POLL: variants seen among roughly 807,000 people sequenced by gnomAD.
POLL encodes the protein DNA polymerase beta-2.
Under a neutral mutation model 58.1 loss-of-function variants are expected in POLL, and 44 were observed. That is an observed-to-expected ratio of 0.76 (90% CI 0.60 to 0.97). The LOEUF (loss-of-function observed/expected upper bound fraction) is 0.97. POLL is among the 50% of genes least tolerant of loss of function. The pLI, the probability that POLL is intolerant of heterozygous loss-of-function variation, is 0.00. For missense variants in POLL, 632 were observed against 736.8 expected (o/e 0.86, Z 1.65); for synonymous variants, 290 against 283.2 (o/e 1.02, Z -0.24).
chr10:101,581,537 A>G lies in POLL; in HGVS notation c.1195-1121T>C, dbSNP rs531146012. On this transcript the variant is annotated intron_variant, in intron 7 of 8. Coordinates refer to ENST00000370162, the MANE Select transcript of POLL (RefSeq NM_001174084.2). ...TTTCAATCAAACTAGGCCAGTCTCCATGGGATCCCACTCTATCAGAATCCC... is the reference window on the plus strand; with the variant it reads ...TTTCAATCAAACTAGGCCAGTCTCCGTGGGATCCCACTCTATCAGAATCCC... 2.0e-5 allele frequency: 3 copies of G among 152,360 alleles called. No homozygotes were observed. In the South Asian group the frequency reaches 6.2e-4, roughly 32 times the overall value. 9.4% of individuals were successfully genotyped at this position (152,360 alleles called of 1,614,324 possible).
At position 101,587,749 on chromosome 10, in the gene POLL, G is replaced by C. The variant is rs2063467047; in HGVS notation, c.-47+73C>G. 5.9e-6 allele frequency: 7 copies of C among 1,187,910 alleles called. No individual in the cohort carries two copies. The South Asian group carries it at 8.0e-5, about 13-fold the overall frequency. The allele number at this position is 1,187,910 out of a possible 1,614,324, so 73.6% of individuals were successfully genotyped here. A position where few individuals can be genotyped will look rare whatever the true frequency, so the allele number is the denominator to read the frequency against. The stretch of plus-strand genomic sequence containing the variant: ...TTTACCAAATGGGATGCTGGGCTAG[G>C]AAATGGAGCTTTAGGGGATGGAGCG... On this transcript the variant is annotated intron_variant, in intron 1 of 8. Transcript: ENST00000370162.
chr10:101,585,858 C>A lies in POLL; in HGVS notation c.410+4G>T. The A allele has an allele frequency of 6.5e-7, 1 of 1,547,796 alleles. No individual in the cohort carries two copies. The highest frequency in any genetic ancestry group is 1.2e-5 in the South Asian group (1 of 82,944). On this transcript the variant is annotated splice_donor_region_variant and intron_variant, in intron 3 of 8. Coordinates refer to ENST00000370162, the MANE Select transcript of POLL (RefSeq NM_001174084.2). ...ATTTGAAAAAAAGACTGGGATCAGC[C>A]CACCTACTGGGGATGAAGATGCTGA...
In POLL at chr10:101,579,436, G is replaced by A; in HGVS notation, c.*17C>T. 3.1e-6 allele frequency: 5 copies of A among 1,588,898 alleles called. No homozygotes were observed. Among genetic ancestry groups the A allele is most frequent in the Non-Finnish European group, 4.3e-6 (5 of 1,169,436 alleles). On this transcript the variant is annotated 3_prime_UTR_variant, in exon 9 of 9. Transcript: ENST00000370162. This position sits in a 1 kb window ranked among gnomAD's most constrained non-coding sequence, Gnocchi z 4.4. ...AGCCAGTCCAACTCGGCTCTCCTCA[G>A]CACCCCCAGCCATGGGTCACCAGTC...
Position 101,579,259 on chromosome 10 carries a change from C to T in POLL, c.*194G>A, listed in dbSNP as rs961380222. 7.9e-6 allele frequency: 5 copies of T among 629,760 alleles called. No individual in the cohort carries two copies. The Admixed American group carries it at 9.1e-5, about 11-fold the overall frequency. The allele number at this position is 629,760 out of a possible 1,614,324, so 39.0% of individuals were successfully genotyped here. On this transcript the variant is annotated 3_prime_UTR_variant, in exon 9 of 9. Transcript: ENST00000370162. This position sits in a 1 kb window ranked among gnomAD's most constrained non-coding sequence, Gnocchi z 4.4. ...TGCTCCTGTCTGGGAGAGGGCTGGG[C>T]AGACACTGGGAGCCGGGCAGACACT...
rs892749741 is a variant in POLL at position 101,580,643 on chromosome 10, C to T, written c.1195-227G>A. On this transcript the variant is annotated intron_variant, in intron 7 of 8. Transcript: ENST00000370162. This position sits in a 1 kb window ranked among gnomAD's most constrained non-coding sequence, Gnocchi z 4.1. ...TGCAGGAGGCAAGCCTGAGGAGAGA[C>T]GGGAGAAGGTGCCGGCTCTGCTTCT... 30 of 492,748 alleles carry T rather than the reference C, an allele frequency of 6.1e-5. No homozygotes were observed. The highest frequency in any genetic ancestry group is 1.4e-4 in the Admixed American group (4 of 27,626). 30.5% of individuals were successfully genotyped at this position (492,748 alleles called of 1,614,324 possible).
intron 6 of POLL, 68 bp from the exon 7 acceptor site, chr10:101,582,959 A>T (rs766918661): frequency 1.3e-6 from 2 of 1,594,726 alleles, no homozygotes; most frequent in Non-Finnish European, 1.7e-6. Context: ...GAGTGAGCAC[A>T]CACACAAGGC....
intron 2 of POLL, chr10:101,587,005 G>A (rs1564879262): frequency 3.1e-6 from 2 of 652,628 alleles, no homozygotes; most frequent in Non-Finnish European, 2.6e-6. Context: ...CATTCCCTGA[G>A]GGCCCAGGGA....
Position 101,585,985 on chromosome 10 carries a change from C to T in POLL, c.287G>A (p.Arg96His), listed in dbSNP as rs770553846. The T allele has an allele frequency of 1.1e-5, 17 of 1,613,974 alleles. No homozygotes were observed. Among genetic ancestry groups the T allele is most frequent in the Admixed American group, 1.0e-4 (6 of 59,996 alleles). The change falls in exon 3 of 9, where the codon CGC (arginine) becomes CAC (histidine). Residue 96 changes from arginine to histidine, a missense_variant. By Grantham distance (29) the Arg-to-His change is conservative (BLOSUM62 0). Coordinates refer to ENST00000370162, the MANE Select transcript of POLL (RefSeq NM_001174084.2). Reference protein sequence around the residue: ...DEGMDYERALRLLRLPQLPPG... With the variant: ...DEGMDYERALHLLRLPQLPPG... ...GGGCAGCTGGGGTAGTCTGAGAAGGCGGAGGGCTCGCTCATAGTCCATGCC... is the reference window on the plus strand; with the variant it reads ...GGGCAGCTGGGGTAGTCTGAGAAGGTGGAGGGCTCGCTCATAGTCCATGCC...
At chr10:101,583,762 T>G (rs980140313) in intron 5 of POLL, 81 bp from the exon 6 acceptor site, 2 of 1,269,412 alleles carry the variant, frequency 1.6e-6, no homozygotes, top group Non-Finnish European at 2.2e-6. Flanking sequence ...AGCTGACTCC[T>G]CTAGCAGATG....
In POLL at chr10:101,579,896, T is replaced by C; in HGVS notation, c.1364-79A>G. ...CCATCCTCCCAGGTCTCTCCTGATG[T>C]CTAAGCTGGGGCTTGCCCAGGTATT... is the stretch of plus-strand genomic sequence containing the variant. On this transcript the variant is annotated intron_variant, in intron 8 of 8. Transcript: ENST00000370162. This position sits in a 1 kb window ranked among gnomAD's most constrained non-coding sequence, Gnocchi z 4.4. The C allele has an allele frequency of 6.7e-7, 1 of 1,499,782 alleles. No individual in the cohort carries two copies. The allele number at this position is 1,499,782 out of a possible 1,614,324, so 92.9% of individuals were successfully genotyped here.
intron 2 of POLL, among the ~76,000 whole-genome samples, chr10:101,586,791 A>G (rs1254024778): frequency 6.6e-6 from 1 of 152,168 alleles, no homozygotes; most frequent in African/African-American, 2.4e-5. Flanking sequence ...CACCGCGCCC[A>G]GCCTCTCTCC....
In POLL at chr10:101,583,517, C is replaced by A. The variant is rs1020858222; in HGVS notation, c.1056G>T (p.Trp352Cys). The A allele has an allele frequency of 1.5e-5, 24 of 1,612,766 alleles. No individual in the cohort carries two copies. Among genetic ancestry groups the A allele is most frequent in the Non-Finnish European group, 1.9e-5 (23 of 1,180,026 alleles). Residue 352 changes from tryptophan to cysteine, a missense_variant, in exon 6 of 9, where the codon TGG (tryptophan) becomes TGT (cysteine). Physicochemically the swap from Trp to Cys is radical, Grantham distance 215. Transcript: ENST00000370162. ...TGAGCCAGGGTGTGACCTGTTGGTA[C>A]CACATCTGGGCAGTCTTGGTCCCAG... ...WGAGTKTAQM[W>C]YQQGFRSLED...
At position 101,588,065 on chromosome 10, in the gene POLL, C is replaced by A. The variant is rs1261950436; in HGVS notation, c.-290G>T. Reference sequence around the variant, plus strand: ...ACGCAGCTGGCGCAGGCCAGGGAATCCCAGCTCGGGGCTAGAAGAAAGCTG... The same window carrying A: ...ACGCAGCTGGCGCAGGCCAGGGAATACCAGCTCGGGGCTAGAAGAAAGCTG... On this transcript the variant is annotated 5_prime_UTR_variant, in exon 1 of 9. Transcript: ENST00000370162. The A allele has an allele frequency of 6.9e-7, 1 of 1,457,338 alleles. No individual in the cohort carries two copies. Among genetic ancestry groups the A allele is most frequent in the Non-Finnish European group, 9.1e-7 (1 of 1,097,244 alleles). The allele number at this position is 1,457,338 out of a possible 1,614,324, so 90.3% of individuals were successfully genotyped here.
Position 101,586,130 on chromosome 10 carries a change from C to T in POLL, c.142G>A (p.Val48Ile). 6.2e-7 allele frequency: 1 copy of T among 1,613,324 alleles called. No homozygotes were observed. The highest frequency in any genetic ancestry group is 8.5e-7 in the Non-Finnish European group (1 of 1,179,744). ...GCTCGTCCAATGCCAGTGCGCACAACATGGGCCCGAAGGGAGCTCAGCCAC... is the reference window on the plus strand; with the variant it reads ...GCTCGTCCAATGCCAGTGCGCACAATATGGGCCCGAAGGGAGCTCAGCCAC... ...EEWLSSLRAH[V>I]VRTGIGRARA... Residue 48 changes from valine (V) to isoleucine (I), a missense_variant, in exon 3 of 9, where the codon GTT (valine) becomes ATT (isoleucine). Physicochemically the swap from Val to Ile is conservative, Grantham distance 29. Transcript: ENST00000370162.
In POLL at chr10:101,579,547, A is replaced by T. The variant is rs2062857729; in HGVS notation, c.1634T>A (p.Val545Glu). 6.2e-7 allele frequency: 1 copy of T among 1,613,788 alleles called. No homozygotes were observed. The highest frequency in any genetic ancestry group is 1.6e-4 in the Middle Eastern group (1 of 6,062). Residue 545 changes from valine (V) to glutamate (E), a missense_variant, in exon 9 of 9, where the codon GTG becomes GAG. Physicochemically the swap from Val to Glu is moderately radical, Grantham distance 121. Coordinates refer to ENST00000370162, the MANE Select transcript of POLL (RefSeq NM_001174084.2). The surrounding 1 kb of genome is among the most constrained non-coding windows in gnomAD (Gnocchi z 4.4). Reference sequence around the variant, plus strand: ...AGTGGGCAGCACTCGGCCAGGCCCCACCTTGCAGCCATGGGTGTTCCGGAC... The same window carrying T: ...AGTGGGCAGCACTCGGCCAGGCCCCTCCTTGCAGCCATGGGTGTTCCGGAC... Reference protein sequence around the residue: ...AVVRNTHGCKVGPGRVLPTPT... With the variant: ...AVVRNTHGCKEGPGRVLPTPT...
rs545734649 is a variant in POLL at position 101,585,806 on chromosome 10, A to G, written c.410+56T>C. On this transcript the variant is annotated intron_variant, in intron 3 of 8. Coordinates refer to ENST00000370162, the MANE Select transcript of POLL (RefSeq NM_001174084.2). ...GATAGTTATTTTTAATAATTCAAGA[A>G]AAGAGCTCAAGATGCTACTAGAAAA... is the stretch of plus-strand genomic sequence containing the variant. 271 of 1,401,040 alleles carry G rather than the reference A, an allele frequency of 1.9e-4. No homozygotes were observed. The African/African-American group carries it at 3.4e-3, about 17-fold the overall frequency. The allele number at this position is 1,401,040 out of a possible 1,614,324, so 86.8% of individuals were successfully genotyped here.
chr10:101,587,845 A>C lies in POLL; in HGVS notation c.-70T>G. ...ACCTCCAACACAGACTCGCAGAGGA[A>C]GGAGGAGGACTTTCGGGGGTGAGTG... is the stretch of plus-strand genomic sequence containing the variant. On this transcript the variant is annotated 5_prime_UTR_variant, in exon 1 of 9. Coordinates refer to ENST00000370162, the MANE Select transcript of POLL (RefSeq NM_001174084.2). The C allele has an allele frequency of 4.2e-6, 5 of 1,190,096 alleles. 1 individual carries two copies. The South Asian group carries it at 7.8e-5, about 19-fold the overall frequency. The allele number at this position is 1,190,096 out of a possible 1,614,324, so 73.7% of individuals were successfully genotyped here.
Position 101,579,758 on chromosome 10 carries a change from C to T in POLL, c.1423G>A (p.Gly475Arg). 1 of 1,613,910 alleles carries T rather than the reference C, an allele frequency of 6.2e-7. No individual in the cohort carries two copies. Among genetic ancestry groups the T allele is most frequent in the Non-Finnish European group, 8.5e-7 (1 of 1,180,022 alleles). The change falls in exon 9 of 9, where the codon GGG becomes AGG. Residue 475 changes from glycine (G) to arginine (R), a missense_variant. Coordinates refer to ENST00000370162, the MANE Select transcript of POLL (RefSeq NM_001174084.2). This position sits in a 1 kb window ranked among gnomAD's most constrained non-coding sequence, Gnocchi z 4.4. ...CCTGGCCCTGGGAGCCGGCACACCC[C>T]CAAGTACTTCTGTTGCTGACCATTC... ...EENGQQQKYL[G>R]VCRLPGPGRR...
intron 4 of POLL, 152 bp from the exon 5 acceptor site, chr10:101,585,071 T>C (rs1019524316): frequency 9.9e-5 from 67 of 674,628 alleles, no homozygotes; most frequent in Middle Eastern, 8.3e-4. Context: ...TTGGATCTCC[T>C]TGGGTGTGAG....
Sources: gnomAD v4.1 joint callset for allele counts (sites outside exome capture counted in the v4.1 genomes callset) on GRCh38, gnomAD v4.1.1 for gene constraint, Gnocchi (gnomAD v3.1) non-coding constraint, MANE v1.5 for transcripts, NCBI Gene and HGNC (gene_info 2026-07-23, HGNC 2026-07-21) for gene names.